The following SLC35B2 variants were observed in gnomAD, a reference collection of about 807,000 sequenced individuals.
SLC35B2 encodes adenosine 3'-phospho 5'-phosphosulfate transporter 1.
SLC35B2 carries 19 observed loss-of-function variants against 37.9 expected under a neutral mutation model. The ratio of observed to expected loss-of-function variants is 0.50; its 90% CI spans 0.35 to 0.74. The LOEUF (loss-of-function observed/expected upper bound fraction) is 0.74. Ranked by LOEUF, SLC35B2 falls within the 30% of genes least tolerant of loss-of-function variation. The pLI, the probability that SLC35B2 is intolerant of heterozygous loss-of-function variation, is 0.01. For synonymous variants in SLC35B2, 277 were observed against 225.2 expected (o/e 1.23, Z -2.06); for missense variants, 633 against 547.6 (o/e 1.16, Z -1.56).
chr6:44,257,193 G>A (rs1781638658), intron 1 of SLC35B2: 4 of 526,438 alleles, frequency 7.6e-6, no homozygotes, highest in East Asian at 7.0e-5. Context: ...TCCACGATCC[G>A]GGACGTCAGG....
intron 3 of SLC35B2, 29 bp from the exon 4 acceptor site, chr6:44,255,673 C>A: frequency 6.3e-7 from 1 of 1,577,814 alleles, no homozygotes; most frequent in Admixed American, 1.8e-5. Context: ...ACAAAGGAGA[C>A]AATAAGCAAG....
chr6:44,256,964 G>T, intron 1 of SLC35B2, 86 bp from the exon 2 acceptor site: 3 of 1,371,988 alleles, frequency 2.2e-6, no homozygotes, highest in East Asian at 5.2e-5. Flanking sequence ...GTAGTGCCCG[G>T]AGTCTCCTCC....
At position 44,254,729 on chromosome 6, in the gene SLC35B2, C is replaced by G. The variant is rs150122797; in HGVS notation, c.1276G>C (p.Glu426Gln). The G allele has an allele frequency of 9.9e-6, 16 of 1,613,044 alleles. No homozygotes were observed. The highest frequency in any genetic ancestry group is 1.7e-5 in the Admixed American group (1 of 59,964). Reference protein sequence around the residue: ...KQRGKKAVPVESPVQKV With the variant: ...KQRGKKAVPVQSPVQKV ...CCTCAAACCTTCTGCACAGGAGACT[C>G]AACAGGCACAGCCTTCTTTCCCCGT... Residue 426 changes from glutamate (E) to glutamine (Q), a missense_variant, in exon 4 of 4, where the codon GAG becomes CAG. Coordinates refer to ENST00000393812, the MANE Select transcript of SLC35B2 (RefSeq NM_178148.4).
rs182428561 is a variant in SLC35B2, at chr6:44,255,360, G to A, written c.645C>T (p.Ala215=). The A allele has an allele frequency of 1.0e-3, 1,642 of 1,614,248 alleles. 4 individuals carry two copies. Among genetic ancestry groups the A allele is most frequent in the South Asian group, 1.9e-3 (175 of 91,084 alleles). Residue 215 remains alanine, a synonymous_variant, in exon 4 of 4, where the codon GCC becomes GCT. Coordinates refer to ENST00000393812, the MANE Select transcript of SLC35B2 (RefSeq NM_178148.4). ...TGACAGGGATCACCTTAGAGGCCTTGGCCAGCACCTGGGTGGGGAAGCTGA... is the reference window on the plus strand; with the variant it reads ...TGACAGGGATCACCTTAGAGGCCTTAGCCAGCACCTGGGTGGGGAAGCTGA... ...KFVSFPTQVL[A]KASKVIPVML...
intron 3 of SLC35B2, 137 bp downstream of exon 3, chr6:44,256,205 G>C: frequency 1.9e-6 from 2 of 1,080,192 alleles, no homozygotes; most frequent in Non-Finnish European, 2.7e-6. Flanking sequence ...CAAAGATGGA[G>C]GTGCAGTGTG....
At position 44,256,450 on chromosome 6, in the gene SLC35B2, A is replaced by G; in HGVS notation, c.252T>C (p.Asn84=). Residue 84 remains asparagine, a synonymous_variant, in exon 3 of 4, where the codon AAT becomes AAC. Transcript: ENST00000393812. ...GAACCTCATCAGAGGCCTTGGGCTC[A>G]TTGCCAAACACACAAGCTTTCACCA... ...FPLVKACVFG[N]EPKASDEVPL... 1.9e-6 allele frequency: 3 copies of G among 1,614,200 alleles called. No homozygotes were observed. The highest frequency in any genetic ancestry group is 2.5e-6 in the Non-Finnish European group (3 of 1,180,032).
rs1219635022 is a variant in SLC35B2 at position 44,256,492 on chromosome 6, C to T, written c.210G>A (p.Arg70=). ...FRRKNYLETG[R]GLCFPLVKAC... ...CTTTCACCAGGGGAAAGCAGAGGCC[C>T]CTACCTGAAGAAAGCACACAAAGTC... The change falls in exon 3 of 4, where the codon AGG becomes AGA. Residue 70 remains arginine, a synonymous_variant. Coordinates refer to ENST00000393812, the MANE Select transcript of SLC35B2 (RefSeq NM_178148.4). The T allele has an allele frequency of 6.2e-7, 1 of 1,614,142 alleles. No individual in the cohort carries two copies. Among genetic ancestry groups the T allele is most frequent in the Non-Finnish European group, 8.5e-7 (1 of 1,180,012 alleles).
Position 44,255,497 on chromosome 6 carries a change from A to C in SLC35B2, c.508T>G (p.Ser170Ala). 2 of 1,614,228 alleles carry C rather than the reference A, an allele frequency of 1.2e-6. No homozygotes were observed. Among genetic ancestry groups the C allele is most frequent in the Non-Finnish European group, 1.7e-6 (2 of 1,180,040 alleles). ...CGGGGCTGCTTGCAGAGAACACAGG[A>C]GAGGCCAGCCACAATCAGTGCCAGC... ...RVLALIVAGL[S>A]CVLCKQPRHG... The change falls in exon 4 of 4, where the codon TCC becomes GCC. Residue 170 changes from serine (S) to alanine (A), a missense_variant. By Grantham distance (99) the Ser-to-Ala change is moderately conservative. Coordinates refer to ENST00000393812, the MANE Select transcript of SLC35B2 (RefSeq NM_178148.4).
rs750278517 is a variant in SLC35B2 at position 44,254,982 on chromosome 6, G to T, written c.1023C>A (p.Ala341=). ...ATGCGGAGCAGATGGAGAGTAGCAG[G>T]GCATGGGCAGCAAACTCACTGTGTC... The part of the protein sequence containing the change: ...MGRHSEFAAH[A]LLLSICSACG... Residue 341 remains alanine, a synonymous_variant, in exon 4 of 4, where the codon GCC becomes GCA. Transcript: ENST00000393812. 2 of 1,614,180 alleles carry T rather than the reference G, an allele frequency of 1.2e-6. No individual in the cohort carries two copies. Among genetic ancestry groups the T allele is most frequent in the South Asian group, 2.2e-5 (2 of 91,080 alleles).
At position 44,255,534 on chromosome 6, in the gene SLC35B2, T is replaced by C. The variant is rs757488404; in HGVS notation, c.471A>G (p.Leu157=). ...ERFTDSQFLV[L]MNRVLALIVA... is the part of the protein sequence containing the mutation. The stretch of plus-strand genomic sequence containing the variant: ...CAATCAGTGCCAGCACTCGGTTCAT[T>C]AGCACCAGGAACTGCGAGTCCGTAA... Residue 157 remains leucine (L), a synonymous_variant, in exon 4 of 4, where the codon CTA becomes CTG. Coordinates refer to ENST00000393812, the MANE Select transcript of SLC35B2 (RefSeq NM_178148.4). 1 of 1,614,126 alleles carries C rather than the reference T, an allele frequency of 6.2e-7. No individual in the cohort carries two copies. The highest frequency in any genetic ancestry group is 8.5e-7 in the Non-Finnish European group (1 of 1,180,016).
At position 44,254,584 on chromosome 6, in the gene SLC35B2, T is replaced by A; in HGVS notation, c.*122A>T. 2 of 1,129,156 alleles carry A rather than the reference T, an allele frequency of 1.8e-6. No homozygotes were observed. The highest frequency in any genetic ancestry group is 4.8e-5 in the East Asian group (2 of 41,842). The allele number at this position is 1,129,156 out of a possible 1,614,324, so 69.9% of individuals were successfully genotyped here. On this transcript the variant is annotated 3_prime_UTR_variant, in exon 4 of 4. Coordinates refer to ENST00000393812, the MANE Select transcript of SLC35B2 (RefSeq NM_178148.4). ...GCTCCCCAATCCCCTGCTGCAGAGC[T>A]GGTCTGTGATACTGAGAAAACACCT...
intron 3 of SLC35B2, among the ~76,000 whole-genome samples, chr6:44,255,994 A>G (rs1411994718): frequency 6.6e-6 from 1 of 152,196 alleles, no homozygotes; most frequent in African/African-American, 2.4e-5. Context: ...GCTCCCCCAC[A>G]ATTTTATCAG....
chr6:44,254,939 AGAT>A lies in SLC35B2; in HGVS notation c.1063_1065del (p.Ile355del). ...GCCCCAAACTGCCCAATGGTGTAAA[AGAT>A]GAAGAGCTGGCCACATGCGGAGCAG... On this transcript the variant is annotated inframe_deletion, in exon 4 of 4. Transcript: ENST00000393812. 6.2e-7 allele frequency: 1 copy of A among 1,614,174 alleles called. No individual in the cohort carries two copies. The highest frequency in any genetic ancestry group is 8.5e-7 in the Non-Finnish European group (1 of 1,180,024).
rs764977872 is a variant in SLC35B2 at position 44,257,425 on chromosome 6, G to C, written c.-15C>G. ...CTGGCGTCCATGGTCCAGGCCGCGT[G>C]GGGTGGAGGGGGAACCGGGGAATGC... is the stretch of plus-strand genomic sequence containing the variant. On this transcript the variant is annotated 5_prime_UTR_variant, in exon 1 of 4. Transcript: ENST00000393812. 1.5e-5 allele frequency: 19 copies of C among 1,257,374 alleles called. No individual in the cohort carries two copies. Among genetic ancestry groups the C allele is most frequent in the Non-Finnish European group, 1.8e-5 (18 of 993,890 alleles). The allele number at this position is 1,257,374 out of a possible 1,614,324, so 77.9% of individuals were successfully genotyped here. A position where few individuals can be genotyped will look rare whatever the true frequency, so the allele number is the denominator to read the frequency against.
Position 44,254,775 on chromosome 6 carries a change from G to C in SLC35B2, c.1230C>G (p.Tyr410Ter), listed in dbSNP as rs146186426. ...VVFAALLLRVYARGRLKQRGK... is the reference protein window; with the variant it reads ...VVFAALLLRV ...CCCGTTGCTTTAGACGGCCCCGCGC[G>C]TAGACTCTGAGCAGGAGGGCAGCAA... Residue 410 changes from tyrosine (Y) to a stop codon, truncating the protein, a stop_gained, in exon 4 of 4, where the codon TAC (tyrosine) becomes TAG (stop). Coordinates refer to ENST00000393812, the MANE Select transcript of SLC35B2 (RefSeq NM_178148.4). LOFTEE classifies it high-confidence loss of function. The C allele has an allele frequency of 6.2e-7, 1 of 1,614,044 alleles. No homozygotes were observed. The highest frequency in any genetic ancestry group is 8.5e-7 in the Non-Finnish European group (1 of 1,180,040).
In SLC35B2 at chr6:44,255,368, C is replaced by T; in HGVS notation, c.637G>A (p.Val213Met). The T allele has an allele frequency of 5.0e-6, 8 of 1,614,232 alleles. No homozygotes were observed. The highest frequency in any genetic ancestry group is 6.8e-6 in the Non-Finnish European group (8 of 1,180,034). ...ATCACCTTAGAGGCCTTGGCCAGCA[C>T]CTGGGTGGGGAAGCTGACGAACTTA... The part of the protein sequence containing the change: ...ALKFVSFPTQ[V>M]LAKASKVIPV... The change falls in exon 4 of 4, where the codon GTG becomes ATG. Residue 213 changes from valine to methionine, a missense_variant. Val to Met is a conservative substitution (Grantham distance 21, BLOSUM62 1). Coordinates refer to ENST00000393812, the MANE Select transcript of SLC35B2 (RefSeq NM_178148.4).
rs1180116082 is a variant in SLC35B2, at chr6:44,256,775, A to G, written c.115T>C (p.Phe39Leu). 6.2e-7 allele frequency: 1 copy of G among 1,614,024 alleles called. No individual in the cohort carries two copies. The highest frequency in any genetic ancestry group is 8.5e-7 in the Non-Finnish European group (1 of 1,179,972). ...GCATAGCCAGCAGCATTCACCACAA[A>G]TCGGAAGAACCATAGCTGGGTCCAT... Reference protein sequence around the residue: ...ESWTQLWFFRFVVNAAGYASF... With the variant: ...ESWTQLWFFRLVVNAAGYASF... Residue 39 changes from phenylalanine to leucine, a missense_variant, in exon 2 of 4, where the codon TTT (phenylalanine) becomes CTT (leucine). Phe to Leu is a conservative substitution (Grantham distance 22). Coordinates refer to ENST00000393812, the MANE Select transcript of SLC35B2 (RefSeq NM_178148.4).
At position 44,254,431 on chromosome 6, in the gene SLC35B2, C is replaced by T. The variant is rs899270498; in HGVS notation, c.*275G>A. On this transcript the variant is annotated 3_prime_UTR_variant, in exon 4 of 4. Transcript: ENST00000393812. Reference sequence around the variant, plus strand: ...AACTTGTGGGAAGAGTAACTGGAACCTACCTATGCTCTCTTGACCCCAAAC... The same window carrying T: ...AACTTGTGGGAAGAGTAACTGGAACTTACCTATGCTCTCTTGACCCCAAAC... The T allele has an allele frequency of 3.6e-4, 154 of 426,716 alleles. 2 individuals are homozygous for T. The highest frequency in any genetic ancestry group is 1.5e-4 in the Non-Finnish European group (35 of 238,498). The allele number at this position is 426,716 out of a possible 1,614,324, so 26.4% of individuals were successfully genotyped here. A position where few individuals can be genotyped will look rare whatever the true frequency, so the allele number is the denominator to read the frequency against.
chr6:44,255,258 C>G lies in SLC35B2; in HGVS notation c.747G>C (p.Gly249=), dbSNP rs765145398. 1 of 1,614,140 alleles carries G rather than the reference C, an allele frequency of 6.2e-7. No individual in the cohort carries two copies. Among genetic ancestry groups the G allele is most frequent in the Non-Finnish European group, 8.5e-7 (1 of 1,180,030 alleles). Residue 249 remains glycine, a synonymous_variant, in exon 4 of 4, where the codon GGG becomes GGC. Coordinates refer to ENST00000393812, the MANE Select transcript of SLC35B2 (RefSeq NM_178148.4). The stretch of plus-strand genomic sequence containing the variant: ...CGCTGGATAGCAGAAACATGCTGAC[C>G]CCAATGGAGATGAGGGTGGCTGTCA... ...EYLTATLISI[G]VSMFLLSSGP...
Sources: gnomAD v4.1 joint callset for allele counts (sites outside exome capture counted in the v4.1 genomes callset) on GRCh38, gnomAD v4.1.1 for gene constraint, MANE v1.5 for transcripts, NCBI Gene and HGNC (gene_info 2026-07-23, HGNC 2026-07-21) for gene names.